MAPK10: variants seen among roughly 807,000 people sequenced by gnomAD.
MAPK10 encodes the protein mitogen-activated protein kinase 10.
In MAPK10, 25 loss-of-function variants were observed where a neutral mutation model predicts 59.3. The ratio of observed to expected loss-of-function variants is 0.42; its 90% CI spans 0.31 to 0.59. The LOEUF is 0.59. Ranked by LOEUF, MAPK10 falls within the 20% of genes least tolerant of loss-of-function variation. The probability of loss-of-function intolerance (pLI) is 0.15; values close to 1 mark genes in which losing one functional copy is unlikely to be tolerated. For missense variants in MAPK10, 351 were observed against 568.9 expected, an observed-to-expected ratio of 0.62 and a Z score of 3.90; for synonymous variants, 190 against 200.5, an observed-to-expected ratio of 0.95 and a Z score of 0.44.
intron 1 of MAPK10, among the ~76,000 whole-genome samples, chr4:86,385,348 T>A (rs1253821630): frequency 6.6e-6 from 1 of 152,170 alleles, no homozygotes; most frequent in African/African-American, 2.4e-5. Context: ...ATTTAAAAGT[T>A]TAATGAGGCA....
At chr4:86,161,351 G>T (rs968213398) in intron 3 of MAPK10, among the ~76,000 whole-genome samples, 4 of 152,068 alleles carry the variant, frequency 2.6e-5, no homozygotes, top group African/African-American at 9.7e-5. Flanking sequence ...ACAGGATTTA[G>T]AATTTAGACA....
In MAPK10 at chr4:86,441,246, C is replaced by G. The variant is rs143703793; in HGVS notation, c.-122+11784G>C. ...TTCTACAAAGTAAACCTGGGAGTAG[C>G]TAGGCATTTTCACTTAGTCATAGAG... On this transcript the variant is annotated intron_variant, in intron 1 of 13. Transcript: ENST00000361569. Among the ~76,000 whole-genome samples, 868 of 152,244 alleles carry G rather than the reference C, an allele frequency of 5.7e-3. 15 individuals carry two copies. The highest frequency in any genetic ancestry group is 0.02 in the African/African-American group (837 of 41,546).
intron 1 of MAPK10, among the ~76,000 whole-genome samples, chr4:86,367,428 T>C (rs1284920833): frequency 6.6e-6 from 1 of 152,078 alleles, no homozygotes; most frequent in East Asian, 1.9e-4. Flanking sequence ...GCAAAAACTA[T>C]TCCACAGTTC....
intron 1 of MAPK10, among the ~76,000 whole-genome samples, chr4:86,573,731 C>T (rs1034183683): frequency 1.3e-5 from 2 of 152,120 alleles, no homozygotes; most frequent in African/African-American, 4.8e-5. Flanking sequence ...TATGTCTCTC[C>T]ACTTATTAAG....
intron 2 of MAPK10, among the ~76,000 whole-genome samples, chr4:86,343,243 C>T (rs534367506): frequency 1.3e-5 from 2 of 152,308 alleles, no homozygotes; most frequent in East Asian, 3.9e-4. Context: ...TCCTCCAGCT[C>T]CTCCATGTTT....
At chr4:86,343,286 T>C (rs973934625) in intron 2 of MAPK10, among the ~76,000 whole-genome samples, 5 of 152,182 alleles carry the variant, frequency 3.3e-5, no homozygotes, top group Non-Finnish European at 5.9e-5. Context: ...ACATTCTACC[T>C]AGGACTACAG....
intron 11 of MAPK10, among the ~76,000 whole-genome samples, chr4:86,043,644 A>C (rs1427660709): frequency 1.3e-5 from 2 of 152,164 alleles, no homozygotes; most frequent in Non-Finnish European, 2.9e-5. Flanking sequence ...TTGCCACTGG[A>C]AACTGAAACA....
At chr4:86,255,226 C>T (rs1477592132) in intron 2 of MAPK10, among the ~76,000 whole-genome samples, 1 of 152,128 alleles carries the variant, frequency 6.6e-6, no homozygotes, top group African/African-American at 2.4e-5. Flanking sequence ...AGTTTATCAA[C>T]AGCAGTTCAC....
intron 3 of MAPK10, among the ~76,000 whole-genome samples, chr4:86,174,531 C>T (rs868413272): frequency 6.6e-6 from 1 of 152,086 alleles, no homozygotes; most frequent in Non-Finnish European, 1.5e-5. Context: ...TTGATAGGTG[C>T]AGGAAATCAT....
Position 86,015,022 on chromosome 4 carries a change from A to C in MAPK10, c.*2206T>G, listed in dbSNP as rs1742789057. 3 of 151,964 alleles carry C rather than the reference A, an allele frequency of 2.0e-5. No homozygotes were observed. The highest frequency in any genetic ancestry group is 6.6e-5 in the Admixed American group (1 of 15,252). The allele number at this position is 151,964 out of a possible 1,614,324, so 9.4% of individuals were successfully genotyped here. A position where few individuals can be genotyped will look rare whatever the true frequency, so the allele number is the denominator to read the frequency against. ...GGAGAAGTTTTTAAAAAAAAAAAAAAAAAACAGGAATATGAAAGAGAGGGA... is the reference window on the plus strand; with the variant it reads ...GGAGAAGTTTTTAAAAAAAAAAAAACAAAACAGGAATATGAAAGAGAGGGA... On this transcript the variant is annotated 3_prime_UTR_variant, in exon 14 of 14. Transcript: ENST00000641462.
At chr4:86,456,906 T>A (rs190824949), upstream of MAPK10, among the ~76,000 whole-genome samples, 648 of 152,186 alleles carry the variant, frequency 4.3e-3, 4 homozygotes, top group African/African-American at 0.015. Context: ...CTAAAATCCT[T>A]AACAAAATAC....
At chr4:86,427,255 TCAAAAA>T (rs1747415428) in intron 1 of MAPK10, among the ~76,000 whole-genome samples, 1 of 77,766 alleles carries the variant, frequency 1.3e-5, no homozygotes. Context: ...AGATTCTGTC[TCAAAAA>T]AAAAAAAAAA....
chr4:86,101,802 T>C, intron 7 of MAPK10, 92 bp downstream of exon 7: 1 of 1,308,280 alleles, frequency 7.6e-7, no homozygotes, highest in Non-Finnish European at 1.1e-6. Context: ...GTATATTATA[T>C]TTGACCAATG....
At chr4:86,214,965 G>GA (rs2088548261) in intron 2 of MAPK10, among the ~76,000 whole-genome samples, 1 of 151,836 alleles carries the variant, frequency 6.6e-6, no homozygotes, top group African/African-American at 2.4e-5. Flanking sequence ...AAACAACCTT[G>GA]AAAAAAGAAC....
intron 1 of MAPK10, among the ~76,000 whole-genome samples, chr4:86,434,544 T>G (rs1748450103): frequency 6.6e-6 from 1 of 152,286 alleles, no homozygotes; most frequent in Admixed American, 6.5e-5. Flanking sequence ...ATAAAAAACC[T>G]GCTCAACGTA....
At chr4:86,571,006 G>A (rs1019535667) in intron 1 of MAPK10, among the ~76,000 whole-genome samples, 1 of 151,956 alleles carries the variant, frequency 6.6e-6, no homozygotes, top group East Asian at 1.9e-4. Context: ...ACCAGACAGC[G>A]TTTTTAACCA....
At chr4:86,212,510 G>C (rs988808821) in intron 2 of MAPK10, among the ~76,000 whole-genome samples, 2 of 152,104 alleles carry the variant, frequency 1.3e-5, no homozygotes, top group Non-Finnish European at 2.9e-5. Flanking sequence ...AACAAAGTGA[G>C]ACCCTGTCTT....
intron 1 of MAPK10, among the ~76,000 whole-genome samples, chr4:86,560,102 C>A (rs924686836): frequency 6.6e-6 from 1 of 151,870 alleles, no homozygotes; most frequent in Non-Finnish European, 1.5e-5. Context: ...CAGCAGTAAC[C>A]ATTTTGCTTC....
intron 1 of MAPK10, among the ~76,000 whole-genome samples, chr4:86,558,334 G>T (rs775795880): frequency 2.6e-5 from 4 of 152,052 alleles, no homozygotes; most frequent in Admixed American, 1.3e-4. Flanking sequence ...TGCTAAAGAC[G>T]AGGCTTTGTA....
Sources: gnomAD v4.1 joint callset for allele counts (sites outside exome capture counted in the v4.1 genomes callset) on GRCh38, gnomAD v4.1.1 for gene constraint, MANE v1.5 for transcripts, NCBI Gene and HGNC (gene_info 2026-07-23, HGNC 2026-07-21) for gene names.